The following TERF2 variants were observed in gnomAD, a reference collection of about 807,000 sequenced individuals.
TERF2 encodes the protein telomeric repeat binding factor 2.
In TERF2, 16 loss-of-function variants were observed where a neutral mutation model predicts 56.1. The ratio of observed to expected loss-of-function variants is 0.29; its 90% confidence interval spans 0.19 to 0.43. The LOEUF (loss-of-function observed/expected upper bound fraction) is 0.43, where lower values mean the gene tolerates loss of function less well. Ranked by LOEUF, TERF2 falls within the 20% of genes least tolerant of loss-of-function variation. TERF2 has a pLI of 1.00. For missense variants in TERF2, 547 were observed against 712.9 expected (o/e 0.77, Z 2.65); for synonymous variants, 296 against 282.1 (o/e 1.05, Z -0.50).
At chr16:69,375,030 T>C (rs190050831) in intron 3 of TERF2, among the ~76,000 whole-genome samples, 22 of 152,304 alleles carry the variant, frequency 1.4e-4, no homozygotes, top group Admixed American at 1.1e-3. Flanking sequence ...AGCCTTGAGC[T>C]TGGCTCCTTT....
intron 3 of TERF2, among the ~76,000 whole-genome samples, chr16:69,378,304 A>T (rs992312150): frequency 6.6e-6 from 1 of 152,176 alleles, no homozygotes; most frequent in Non-Finnish European, 1.5e-5. Flanking sequence ...GTGGAAGGCT[A>T]TGGAATTTGT....
At chr16:69,371,404 G>A (rs2013569495) in intron 4 of TERF2, among the ~76,000 whole-genome samples, 1 of 151,088 alleles carries the variant, frequency 6.6e-6, no homozygotes. Context: ...CAGAGGCTGA[G>A]GCAAGAGAAC....
intron 3 of TERF2, among the ~76,000 whole-genome samples, chr16:69,377,010 G>A (rs2013815727): frequency 6.6e-6 from 1 of 151,874 alleles, no homozygotes; most frequent in Non-Finnish European, 1.5e-5. Flanking sequence ...AGACCAGTCT[G>A]GCCAACATGG....
rs918599535 is a variant in TERF2, at chr16:69,385,326, G to A, written c.475+65C>T. 120 of 1,374,268 alleles carry A rather than the reference G, an allele frequency of 8.7e-5. 2 individuals are homozygous for A. The South Asian group carries it at 1.2e-3, about 14-fold the overall frequency. The allele number at this position is 1,374,268 out of a possible 1,614,324, so 85.1% of individuals were successfully genotyped here. A position where few individuals can be genotyped will look rare whatever the true frequency, so the allele number is the denominator to read the frequency against. ...TTTAACCTGGAATCCTTCAGTTCTAGATATAAGTTTTAAAACAAAACCCTA... is the reference window on the plus strand; with the variant it reads ...TTTAACCTGGAATCCTTCAGTTCTAAATATAAGTTTTAAAACAAAACCCTA... On this transcript the variant is annotated intron_variant, in intron 2 of 9. Coordinates refer to ENST00000254942, the MANE Select transcript of TERF2 (RefSeq NM_005652.5).
rs1214355478 is a variant in TERF2 at position 69,359,427 on chromosome 16, T to C, written c.1427-1866A>G. ...CCTATAGTCCCAACTACTCGGGAGG[T>C]TGAGGCAGGAGAATCACTTGAACCC... is the stretch of plus-strand genomic sequence containing the variant. On this transcript the variant is annotated intron_variant, in intron 8 of 9. Coordinates refer to ENST00000254942, the MANE Select transcript of TERF2 (RefSeq NM_005652.5). 2.7e-5 allele frequency among the ~76,000 whole-genome samples: 4 copies of C among 150,698 alleles called. No individual in the cohort carries two copies. In the East Asian group the frequency reaches 8.0e-4, roughly 30 times the overall value.
intron 3 of TERF2, among the ~76,000 whole-genome samples, chr16:69,373,590 G>C (rs554944249): frequency 2.0e-4 from 30 of 152,258 alleles, no homozygotes; most frequent in Admixed American, 1.7e-3. Context: ...CCCACACTTT[G>C]AGAGGCCAAG....
chr16:69,384,042 G>C (rs1451845911), intron 3 of TERF2, among the ~76,000 whole-genome samples: 4 of 152,060 alleles, frequency 2.6e-5, no homozygotes, highest in African/African-American at 9.7e-5. Flanking sequence ...CTTTTTTCTT[G>C]AATTCAAGAA....
intron 5 of TERF2, 106 bp from the exon 6 acceptor site, chr16:69,368,588 A>G (rs1339227915): frequency 8.4e-6 from 13 of 1,554,902 alleles, no homozygotes; most frequent in Non-Finnish European, 1.0e-5. Context: ...TTCACTTACA[A>G]ATCCAATCTA....
chr16:69,372,190 C>A, intron 4 of TERF2, 79 bp downstream of exon 4: 1 of 1,014,754 alleles, frequency 9.9e-7, no homozygotes, highest in Non-Finnish European at 1.5e-6. Flanking sequence ...TATTCCTGAC[C>A]AAGAACCCTT....
chr16:69,356,668 C>A lies in TERF2; in HGVS notation c.*230G>T, dbSNP rs1435992714. ...ACAAAACATTAGCCGGGCGTGATGGCGGGCGCCTGTAGTCCCAGCTACTCG... is the reference window on the plus strand; with the variant it reads ...ACAAAACATTAGCCGGGCGTGATGGAGGGCGCCTGTAGTCCCAGCTACTCG... On this transcript the variant is annotated 3_prime_UTR_variant, in exon 10 of 10. Coordinates refer to ENST00000254942, the MANE Select transcript of TERF2 (RefSeq NM_005652.5). The A allele has an allele frequency of 4.9e-6, 2 of 405,162 alleles. No individual in the cohort carries two copies. The highest frequency in any genetic ancestry group is 8.8e-6 in the Non-Finnish European group (2 of 226,998). The allele number at this position is 405,162 out of a possible 1,614,324, so 25.1% of individuals were successfully genotyped here. A position where few individuals can be genotyped will look rare whatever the true frequency, so the allele number is the denominator to read the frequency against.
intron 3 of TERF2, among the ~76,000 whole-genome samples, chr16:69,378,230 T>G (rs2013865624): frequency 6.6e-6 from 1 of 152,194 alleles, no homozygotes; most frequent in African/African-American, 2.4e-5. Flanking sequence ...TCCTGGACTT[T>G]GGTTTCCCCA....
At chr16:69,376,007 T>C (rs1469506054) in intron 3 of TERF2, among the ~76,000 whole-genome samples, 1 of 152,220 alleles carries the variant, frequency 6.6e-6, no homozygotes, top group Non-Finnish European at 1.5e-5. Flanking sequence ...TCCCAACCTG[T>C]CGATTGCTTT....
In TERF2 at chr16:69,361,474, C is replaced by T. The variant is rs769659818; in HGVS notation, c.1356G>A (p.Lys452=). ...CTTCAACCCCATTAGAGCTGTTCCACTTGCCTTTGGGTACTCTGAGGGGAG... is the reference window on the plus strand; with the variant it reads ...CTTCAACCCCATTAGAGCTGTTCCATTTGCCTTTGGGTACTCTGAGGGGAG... ...GEKNPKVPKG[K]WNSSNGVEEK... is the part of the protein sequence containing the mutation. The change falls in exon 8 of 10, where the codon AAG becomes AAA. Residue 452 remains lysine (K), a synonymous_variant. Transcript: ENST00000254942. 6 of 1,613,914 alleles carry T rather than the reference C, an allele frequency of 3.7e-6. No homozygotes were observed. The highest frequency in any genetic ancestry group is 1.1e-5 in the South Asian group (1 of 91,082).
At position 69,385,935 on chromosome 16, in the gene TERF2, C is replaced by G; in HGVS notation, c.37G>C (p.Gly13Arg). ...GCTGGGTCACGCACGACGCCCGGGC[C>G]GGAAGCGGGGCCCGCCGTCCCGGCT... is the stretch of plus-strand genomic sequence containing the variant. ...AGAGTAGPASGPGVVRDPAAS... is the reference protein window; with the variant it reads ...AGAGTAGPASRPGVVRDPAAS... Residue 13 changes from glycine to arginine, a missense_variant, in exon 1 of 10, where the codon GGC (glycine) becomes CGC (arginine). Around this residue, in one of 6 missense-constraint regions of TERF2, gnomAD observed 85 missense variants for 59.5 expected, o/e 1.43. Coordinates refer to ENST00000254942, the MANE Select transcript of TERF2 (RefSeq NM_005652.5). 1 of 1,368,318 alleles carries G rather than the reference C, an allele frequency of 7.3e-7. No individual in the cohort carries two copies. Among genetic ancestry groups the G allele is most frequent in the Non-Finnish European group, 9.4e-7 (1 of 1,059,834 alleles). 84.8% of individuals were successfully genotyped at this position (1,368,318 alleles called of 1,614,324 possible).
At chr16:69,368,922 C>T (rs893622365) in intron 5 of TERF2, among the ~76,000 whole-genome samples, 5 of 152,102 alleles carry the variant, frequency 3.3e-5, no homozygotes, top group African/African-American at 4.8e-5. Context: ...GTGATCTGCC[C>T]GCATCAGCCT....
At position 69,356,804 on chromosome 16, in the gene TERF2, A is replaced by G; in HGVS notation, c.*94T>C. On this transcript the variant is annotated 3_prime_UTR_variant, in exon 10 of 10. Transcript: ENST00000254942. The stretch of plus-strand genomic sequence containing the variant: ...GACAGAGCGAGACTCTGTCTCAAAA[A>G]AAAAAAAAAAAGAAAAAGAAAGAAA... 7.2e-7 allele frequency: 1 copy of G among 1,395,190 alleles called. No homozygotes were observed. Among genetic ancestry groups the G allele is most frequent in the East Asian group, 2.4e-5 (1 of 41,060 alleles). The allele number at this position is 1,395,190 out of a possible 1,614,324, so 86.4% of individuals were successfully genotyped here.
intron 8 of TERF2, among the ~76,000 whole-genome samples, chr16:69,359,111 G>C (rs1179184137): frequency 6.6e-6 from 1 of 152,020 alleles, no homozygotes; most frequent in Non-Finnish European, 1.5e-5. Context: ...AACCTAATGG[G>C]ACCACCGTCA....
chr16:69,363,737 G>A (rs1167797413), intron 7 of TERF2, among the ~76,000 whole-genome samples: 1 of 152,210 alleles, frequency 6.6e-6, no homozygotes, highest in Non-Finnish European at 1.5e-5. Flanking sequence ...GAGAGGCCCA[G>A]GCAGGTGGAT....
At chr16:69,385,082 A>C (rs747907676) in intron 2 of TERF2, among the ~76,000 whole-genome samples, 43 of 152,188 alleles carry the variant, frequency 2.8e-4, no homozygotes, top group Admixed American at 8.5e-4. Context: ...TCCACTCTGA[A>C]AAACTCTCTA....
Sources: gnomAD v4.1 joint callset for allele counts (sites outside exome capture counted in the v4.1 genomes callset) on GRCh38, gnomAD v4.1.1 for gene constraint, gnomAD v4.1.1 regional missense constraint, MANE v1.5 for transcripts, NCBI Gene and HGNC (gene_info 2026-07-23, HGNC 2026-07-21) for gene names.